REPS1: variants seen among roughly 807,000 people sequenced by gnomAD.
REPS1 encodes RALBP1 associated Eps domain containing 1.
REPS1 carries 39 observed loss-of-function variants against 100.9 expected under a neutral mutation model. The ratio of observed to expected loss-of-function variants is 0.39; its 90% CI spans 0.30 to 0.50. The LOEUF is 0.50. REPS1 is among the 20% of genes least tolerant of loss of function. The probability of loss-of-function intolerance (pLI) is 0.86; values close to 1 mark genes in which losing one functional copy is unlikely to be tolerated. For missense variants in REPS1, 821 were observed against 968.5 expected, an observed-to-expected ratio of 0.85 and a Z score of 2.02; for synonymous variants, 324 against 340.3, an observed-to-expected ratio of 0.95 and a Z score of 0.53.
Position 138,917,542 on chromosome 6 carries a change from C to A in REPS1, c.1601+13G>T. On this transcript the variant is annotated intron_variant, in intron 13 of 19. Transcript: ENST00000450536. ...GATAGTTTAACATGCTTTTCATTGA[C>A]AGAAATACTGACCTTTGACGAGTTA... 1 of 1,601,510 alleles carries A rather than the reference C, an allele frequency of 6.2e-7. No homozygotes were observed. The highest frequency in any genetic ancestry group is 2.2e-5 in the East Asian group (1 of 44,784).
chr6:138,917,472 A>G (rs1780476823), intron 13 of REPS1, 83 bp downstream of exon 13: 1 of 1,072,048 alleles, frequency 9.3e-7, no homozygotes, highest in Non-Finnish European at 1.4e-6. Flanking sequence ...GAACAAAATC[A>G]TTTGTGCTTG....
At chr6:138,970,029 G>A (rs1256321444) in intron 1 of REPS1, among the ~76,000 whole-genome samples, 1 of 151,952 alleles carries the variant, frequency 6.6e-6, no homozygotes. Flanking sequence ...AGATGATGAA[G>A]GCTCTAAATG....
At chr6:138,971,871 C>T (rs1784362907) in intron 1 of REPS1, among the ~76,000 whole-genome samples, 1 of 152,204 alleles carries the variant, frequency 6.6e-6, no homozygotes, top group Admixed American at 6.5e-5. Context: ...GTCATCATCC[C>T]AATCACGTCT....
intron 1 of REPS1, among the ~76,000 whole-genome samples, chr6:138,961,182 A>C (rs909477636): frequency 3.9e-5 from 6 of 152,248 alleles, no homozygotes; most frequent in Non-Finnish European, 1.5e-5. Context: ...TTAGCATTTT[A>C]TCACATAAAA....
At chr6:138,968,533 A>G (rs780241815) in intron 1 of REPS1, among the ~76,000 whole-genome samples, 17 of 152,128 alleles carry the variant, frequency 1.1e-4, no homozygotes, top group Non-Finnish European at 1.8e-4. Flanking sequence ...TATCTCCCAA[A>G]TTTCAGACCC....
chr6:138,921,384 G>A (rs1191166614), intron 10 of REPS1, among the ~76,000 whole-genome samples: 1 of 151,738 alleles, frequency 6.6e-6, no homozygotes, highest in Non-Finnish European at 1.5e-5. Context: ...TGAAGGCTGG[G>A]CACTGACGCT....
At chr6:138,967,389 G>A (rs1178727238) in intron 1 of REPS1, among the ~76,000 whole-genome samples, 2 of 152,098 alleles carry the variant, frequency 1.3e-5, no homozygotes, top group Non-Finnish European at 2.9e-5. Context: ...AACACAGGTG[G>A]TTATTTAAAT....
rs546231972 is a variant in REPS1 at position 138,971,249 on chromosome 6, T to A, written c.153+16281A>T. ...AGTGGGTCATTAGCTTTCAAAGTTT[T>A]AAGATCTGCAGTTTCTACTATTCCT... On this transcript the variant is annotated intron_variant, in intron 1 of 19. Transcript: ENST00000450536. Among the ~76,000 whole-genome samples the A allele has an allele frequency of 2.1e-4, 32 of 152,318 alleles. 1 individual carries two copies. In the South Asian group the frequency reaches 6.0e-3, roughly 29 times the overall value.
chr6:138,923,796 G>A (rs1312800094), intron 10 of REPS1, among the ~76,000 whole-genome samples: 1 of 152,108 alleles, frequency 6.6e-6, no homozygotes, highest in Admixed American at 6.5e-5. Context: ...AGACCAGTTT[G>A]GAACTTTGCA....
Position 138,966,640 on chromosome 6 carries a change from T to C in REPS1, c.154-18727A>G, listed in dbSNP as rs373797323. Among the ~76,000 whole-genome samples the C allele has an allele frequency of 2.0e-5, 3 of 152,330 alleles. 1 individual carries two copies. ...CACTTCATTATTTTATAAGGGATCA[T>C]ATTTGCCCAGTAGTACATTCATCTA... On this transcript the variant is annotated intron_variant, in intron 1 of 19. Transcript: ENST00000450536.
intron 1 of REPS1, among the ~76,000 whole-genome samples, chr6:138,953,199 G>T (rs1167923155): frequency 2.0e-5 from 3 of 152,018 alleles, no homozygotes; most frequent in Non-Finnish European, 4.4e-5. Flanking sequence ...AACTCAAAAT[G>T]CATCTAATAC....
intron 10 of REPS1, among the ~76,000 whole-genome samples, chr6:138,922,510 A>G: frequency 6.6e-6 from 1 of 152,006 alleles, no homozygotes; most frequent in African/African-American, 2.4e-5. Context: ...AAAAGAAAGG[A>G]TGAGAGAATG....
intron 14 of REPS1, 54 bp from the exon 15 acceptor site, chr6:138,914,815 T>C (rs1350628275): frequency 4.7e-5 from 65 of 1,390,776 alleles, no homozygotes; most frequent in Non-Finnish European, 6.5e-5. Flanking sequence ...ACTTTGTTAA[T>C]AGAAGAAATA....
rs1187556050 is a variant in REPS1 at position 138,904,657 on chromosome 6, G to T, written c.*407C>A. 1 of 149,182 alleles carries T rather than the reference G, an allele frequency of 6.7e-6. No individual in the cohort carries two copies. The highest frequency in any genetic ancestry group is 6.6e-5 in the Admixed American group (1 of 15,066). The allele number at this position is 149,182 out of a possible 1,614,324, so 9.2% of individuals were successfully genotyped here. Reference sequence around the variant, plus strand: ...AATTAAATGGGAAACTCTTTCTAAAGATTTTTATAGAATAGATGCTTTATG... The same window carrying T: ...AATTAAATGGGAAACTCTTTCTAAATATTTTTATAGAATAGATGCTTTATG... On this transcript the variant is annotated 3_prime_UTR_variant, in exon 20 of 20. Transcript: ENST00000450536.
At chr6:138,953,128 C>T (rs559551828) in intron 1 of REPS1, among the ~76,000 whole-genome samples, 47 of 152,146 alleles carry the variant, frequency 3.1e-4, no homozygotes, top group South Asian at 6.2e-4. Context: ...TGAGCCATTG[C>T]GCCAAATTAT....
intron 14 of REPS1, 141 bp from the exon 15 acceptor site, chr6:138,914,902 T>C (rs1351410507): frequency 1.4e-6 from 1 of 717,568 alleles, no homozygotes; most frequent in Non-Finnish European, 2.3e-6. Context: ...ACTAACTTGT[T>C]ACATGGTCTG....
intron 17 of REPS1, 150 bp from the exon 18 acceptor site, chr6:138,908,966 G>A (rs1366126877): frequency 1.5e-6 from 1 of 671,372 alleles, no homozygotes; most frequent in Non-Finnish European, 2.4e-6. Context: ...TGTGGCAAGA[G>A]CTAACTTAAA....
chr6:138,952,786 G>C (rs1304625672), intron 1 of REPS1, among the ~76,000 whole-genome samples: 1 of 151,566 alleles, frequency 6.6e-6, no homozygotes, highest in Admixed American at 6.6e-5. Flanking sequence ...GGGAAAACTG[G>C]ATATCCATAT....
At chr6:138,979,189 AAAAAAAAAC>A (rs1215599504) in intron 1 of REPS1, among the ~76,000 whole-genome samples, 12 of 148,580 alleles carry the variant, frequency 8.1e-5, no homozygotes, top group Non-Finnish European at 1.6e-4. Context: ...ACAAAAAAAA[AAAAAAAAAC>A]AAAAAAAAAA....
Sources: gnomAD v4.1 joint callset for allele counts (sites outside exome capture counted in the v4.1 genomes callset) on GRCh38, gnomAD v4.1.1 for gene constraint, MANE v1.5 for transcripts, NCBI Gene and HGNC (gene_info 2026-07-23, HGNC 2026-07-21) for gene names.